The following GRID2 variants were observed in gnomAD, a reference collection of about 807,000 sequenced individuals.
The protein encoded by GRID2 is glutamate receptor ionotropic, delta-2.
Under a neutral mutation model 114.8 loss-of-function variants are expected in GRID2, and 33 were observed. That is an observed-to-expected ratio of 0.29 (90% CI 0.22 to 0.38). The LOEUF is 0.38. Ranked by LOEUF, GRID2 falls within the 10% of genes least tolerant of loss-of-function variation. The pLI is 1.00. For synonymous variants in GRID2, 505 were observed against 449.9 expected, an observed-to-expected ratio of 1.12 and a Z score of -1.55; for missense variants, 1,184 against 1,257.7, an observed-to-expected ratio of 0.94 and a Z score of 0.89.
intron 14 of GRID2, among the ~76,000 whole-genome samples, chr4:93,670,605 C>T (rs1305221231): frequency 6.6e-6 from 1 of 152,130 alleles, no homozygotes; most frequent in Non-Finnish European, 1.5e-5. Flanking sequence ...GATACTTTCA[C>T]ACAGTGTTTA....
intron 7 of GRID2, among the ~76,000 whole-genome samples, chr4:93,224,994 A>T (rs1745321500): frequency 6.6e-6 from 1 of 152,140 alleles, no homozygotes; most frequent in South Asian, 2.1e-4. Flanking sequence ...CAAGTAAAAA[A>T]AATTGTGGTT....
chr4:93,189,011 T>TA (rs1188268718), intron 4 of GRID2, among the ~76,000 whole-genome samples: 7 of 152,304 alleles, frequency 4.6e-5, no homozygotes, highest in African/African-American at 1.7e-4. Context: ...CCTACAGTTC[T>TA]CTTCTTCAGA....
chr4:92,590,102 A>T, intron 1 of GRID2, 29 bp from the exon 2 acceptor site: 1 of 1,524,004 alleles, frequency 6.6e-7, no homozygotes, highest in Non-Finnish European at 9.1e-7. Context: ...TTATGTTATT[A>T]TTTAATGGCA....
intron 2 of GRID2, among the ~76,000 whole-genome samples, chr4:92,951,199 A>C (rs1443750115): frequency 3.3e-5 from 5 of 152,102 alleles, no homozygotes; most frequent in Non-Finnish European, 5.9e-5. Context: ...TGTCATCACT[A>C]CAACAGAATC....
At chr4:92,893,704 C>G (rs913889774) in intron 2 of GRID2, among the ~76,000 whole-genome samples, 4 of 152,094 alleles carry the variant, frequency 2.6e-5, no homozygotes, top group Non-Finnish European at 4.4e-5. Flanking sequence ...TGTGCCACAG[C>G]TGGCACAGGT....
chr4:92,474,532 A>G (rs1380007703), intron 1 of GRID2, among the ~76,000 whole-genome samples: 1 of 152,104 alleles, frequency 6.6e-6, no homozygotes, highest in African/African-American at 2.4e-5. Context: ...GTATTTGTAC[A>G]CAGAAGTGAG....
At chr4:92,887,163 T>C (rs1296779876) in intron 2 of GRID2, among the ~76,000 whole-genome samples, 1 of 151,590 alleles carries the variant, frequency 6.6e-6, no homozygotes, top group Admixed American at 6.6e-5. Flanking sequence ...CTATTTCCCA[T>C]CCTGGAGGTC....
At chr4:93,429,174 T>G (rs369001059) in intron 10 of GRID2, among the ~76,000 whole-genome samples, 61 of 152,270 alleles carry the variant, frequency 4.0e-4, no homozygotes, top group East Asian at 1.4e-3. Context: ...CTGTCTGATA[T>G]CTTCAGTGGT....
rs545745965 is a variant in GRID2 at position 92,939,438 on chromosome 4, T to C, written c.245-145557T>C. 3.4e-5 allele frequency among the ~76,000 whole-genome samples: 5 copies of C among 147,554 alleles called. 1 individual carries two copies. In the South Asian group the frequency reaches 1.1e-3, roughly 34 times the overall value. ...TTTGTTTTTTTCTTGTAAATTTGTT[T>C]GAGTTCATTGTAGATTCTGGATATT... On this transcript the variant is annotated intron_variant, in intron 2 of 15. Coordinates refer to ENST00000282020, the MANE Select transcript of GRID2 (RefSeq NM_001510.4).
At chr4:92,377,233 C>G (rs1729397488) in intron 1 of GRID2, among the ~76,000 whole-genome samples, 1 of 152,066 alleles carries the variant, frequency 6.6e-6, no homozygotes, top group Non-Finnish European at 1.5e-5. Context: ...CTGCCAGATA[C>G]CCAAAATCAT....
rs1261935553 is a variant in GRID2 at position 93,765,638 on chromosome 4, C to CAT, written c.2361-3561_2361-3560dup. On this transcript the variant is annotated intron_variant, in intron 14 of 15. Coordinates refer to ENST00000282020, the MANE Select transcript of GRID2 (RefSeq NM_001510.4). ...TATATATATATATATATATATGAGG[C>CAT]ATATATATATATTTCAATAATGATT... 1.1e-4 allele frequency among the ~76,000 whole-genome samples: 15 copies of CAT among 138,492 alleles called. No individual in the cohort carries two copies. The East Asian group carries it at 1.4e-3, about 13-fold the overall frequency. The allele number at this position is 138,492 out of a possible 152,430, so 90.9% of individuals were successfully genotyped here. A position where few individuals can be genotyped will look rare whatever the true frequency, so the allele number is the denominator to read the frequency against.
At chr4:93,649,718 G>A (rs921228197) in intron 14 of GRID2, among the ~76,000 whole-genome samples, 2 of 152,148 alleles carry the variant, frequency 1.3e-5, no homozygotes, top group African/African-American at 4.8e-5. Context: ...CAAGAGGAGA[G>A]ATGAATGGGC....
intron 2 of GRID2, among the ~76,000 whole-genome samples, chr4:92,898,686 A>G (rs990861922): frequency 1.7e-4 from 26 of 152,240 alleles, no homozygotes; most frequent in African/African-American, 6.3e-4. Context: ...AAAATTGCCA[A>G]TCCTCTGAGC....
chr4:92,913,446 C>T (rs748608844), intron 2 of GRID2, among the ~76,000 whole-genome samples: 3 of 151,882 alleles, frequency 2.0e-5, no homozygotes. Context: ...ATTCACAAGG[C>T]ACACATGTCT....
intron 8 of GRID2, among the ~76,000 whole-genome samples, chr4:93,333,322 G>T (rs963330756): frequency 2.6e-5 from 4 of 152,150 alleles, no homozygotes; most frequent in African/African-American, 9.7e-5. Context: ...TGATGTTGAT[G>T]CTGCTGGTCT....
chr4:93,151,661 C>A (rs1364991282), intron 4 of GRID2, among the ~76,000 whole-genome samples: 1 of 152,044 alleles, frequency 6.6e-6, no homozygotes, highest in Non-Finnish European at 1.5e-5. Flanking sequence ...TAATCTGAGT[C>A]ATATGAAATA....
At chr4:93,455,591 C>A in intron 10 of GRID2, 71 bp from the exon 11 acceptor site, 2 of 1,017,526 alleles carry the variant, frequency 2.0e-6, no homozygotes, top group African/African-American at 1.6e-5. Context: ...TTCCTCGAGG[C>A]AAGCTGAAGT....
intron 2 of GRID2, among the ~76,000 whole-genome samples, chr4:92,745,483 A>G (rs1191924119): frequency 6.6e-6 from 1 of 152,176 alleles, no homozygotes; most frequent in Non-Finnish European, 1.5e-5. Context: ...GCTACTTACT[A>G]AATATTAGGG....
intron 2 of GRID2, among the ~76,000 whole-genome samples, chr4:92,662,235 A>T (rs1732555809): frequency 6.6e-6 from 1 of 150,962 alleles, no homozygotes; most frequent in Non-Finnish European, 1.5e-5. Flanking sequence ...GGAAACTTCT[A>T]CAAGGGGTAA....
Sources: allele counts gnomAD v4.1 joint callset (sites outside exome capture counted in the v4.1 genomes callset), GRCh38; gene constraint gnomAD v4.1.1; transcripts MANE v1.5; gene names NCBI Gene and HGNC (gene_info 2026-07-23, HGNC 2026-07-21).